The following BCAR3 variants were observed in gnomAD, a reference collection of about 807,000 sequenced individuals.
BCAR3 encodes breast cancer anti-estrogen resistance protein 3.
A neutral mutation model predicts 80.1 loss-of-function variants in BCAR3; 37 were observed. That is an observed-to-expected ratio of 0.46 (90% CI 0.36 to 0.61). BCAR3 has a LOEUF of 0.61. BCAR3 is among the 20% of genes least tolerant of loss of function. The pLI is 0.00. For synonymous variants in BCAR3, 389 were observed against 418.9 expected (o/e 0.93, Z 0.87); for missense variants, 978 against 1,068.2 (o/e 0.92, Z 1.18).
intron 2 of BCAR3, among the ~76,000 whole-genome samples, chr1:93,834,530 C>T (rs949678056): frequency 2.0e-5 from 3 of 152,152 alleles, no homozygotes; most frequent in Admixed American, 1.3e-4. Flanking sequence ...AGTGCAGGGC[C>T]GTGTGGTTAG....
chr1:93,748,153 T>A (rs1651421901), intron 2 of BCAR3, among the ~76,000 whole-genome samples: 1 of 152,178 alleles, frequency 6.6e-6, no homozygotes, highest in Admixed American at 6.5e-5. Flanking sequence ...CACTCAATAT[T>A]AGGTACTGAG....
chr1:93,697,781 C>T (rs1032966282), intron 3 of BCAR3, among the ~76,000 whole-genome samples: 1 of 152,042 alleles, frequency 6.6e-6, no homozygotes, highest in Non-Finnish European at 1.5e-5. Flanking sequence ...GAGTTCGACA[C>T]CAGCCTGACC....
rs573682878 is a variant in BCAR3, at chr1:93,830,164, T to A, written c.-63+15403A>T. Reference sequence around the variant, plus strand: ...ATGAGCCAATTAAACCTCTTTTTTTTATAAATTACCCAGTTTGGCCGGGTG... The same window carrying A: ...ATGAGCCAATTAAACCTCTTTTTTTAATAAATTACCCAGTTTGGCCGGGTG... On this transcript the variant is annotated intron_variant, in intron 2 of 13. Coordinates refer to the BCAR3 transcript ENST00000370244. Among the ~76,000 whole-genome samples the A allele has an allele frequency of 1.3e-4, 20 of 152,302 alleles. No individual in the cohort carries two copies. The East Asian group carries it at 2.3e-3, about 18-fold the overall frequency.
intron 11 of BCAR3, among the ~76,000 whole-genome samples, chr1:93,565,779 C>T (rs573702647): frequency 1.5e-3 from 221 of 152,284 alleles, no homozygotes; most frequent in African/African-American, 5.1e-3. Context: ...ATGGTGCAAA[C>T]GACTAAGTCC....
intron 2 of BCAR3, among the ~76,000 whole-genome samples, chr1:93,758,850 G>A (rs761533057): frequency 6.6e-6 from 1 of 152,180 alleles, no homozygotes. Context: ...CTGAGGAGAG[G>A]CTGTTAGAGA....
chr1:93,608,252 CTG>C (rs1323723344), intron 3 of BCAR3, among the ~76,000 whole-genome samples: 4 of 152,220 alleles, frequency 2.6e-5, no homozygotes, highest in African/African-American at 7.2e-5. Flanking sequence ...GCTCCTGGCA[CTG>C]TGGACACACA....
intron 2 of BCAR3, among the ~76,000 whole-genome samples, chr1:93,804,449 G>C (rs984255818): frequency 6.6e-6 from 1 of 152,138 alleles, no homozygotes; most frequent in African/African-American, 2.4e-5. Flanking sequence ...TTGCACTTTG[G>C]GGGCAGTATT....
intron 2 of BCAR3, among the ~76,000 whole-genome samples, chr1:93,769,422 G>A (rs1269136958): frequency 2.7e-5 from 4 of 147,630 alleles, no homozygotes; most frequent in South Asian, 2.1e-4. Context: ...GGAGCGGGGT[G>A]GAGAAGAACT....
chr1:93,629,787 G>C (rs1263247552), intron 3 of BCAR3, among the ~76,000 whole-genome samples: 2 of 152,182 alleles, frequency 1.3e-5, no homozygotes, highest in Non-Finnish European at 2.9e-5. Flanking sequence ...AGTCATAGAA[G>C]TTGCCAGAAC....
intron 8 of BCAR3, among the ~76,000 whole-genome samples, chr1:93,575,420 C>G (rs1051897643): frequency 3.9e-5 from 6 of 152,120 alleles, no homozygotes; most frequent in Admixed American, 3.9e-4. Context: ...TTTCTAATTC[C>G]TAAACATTCC....
In BCAR3 at chr1:93,584,110, TTTTC is replaced by T. The variant is rs769448180; in HGVS notation, c.937_940del (p.Glu313ArgfsTer61). On this transcript the variant is annotated frameshift_variant, in exon 6 of 12. Coordinates refer to ENST00000260502, the MANE Select transcript of BCAR3 (RefSeq NM_003567.4). LOFTEE classifies it high-confidence loss of function. The stretch of plus-strand genomic sequence containing the variant: ...CAGGCAGGCGGGCTGGCTACCACTC[TTTTC>T]TTTGTTTCTGAAGTAAAAGACACAT... 1.9e-6 allele frequency: 3 copies of T among 1,614,006 alleles called. No homozygotes were observed. The highest frequency in any genetic ancestry group is 1.1e-5 in the South Asian group (1 of 91,030).
At chr1:93,643,675 C>T (rs981687210) in intron 2 of BCAR3, among the ~76,000 whole-genome samples, 2 of 149,504 alleles carry the variant, frequency 1.3e-5, no homozygotes, top group African/African-American at 4.9e-5. Flanking sequence ...GGATAAAAAG[C>T]AGCAGATACG....
intron 2 of BCAR3, among the ~76,000 whole-genome samples, chr1:93,740,047 AAAG>A (rs1261422553): frequency 9.2e-5 from 14 of 151,826 alleles, no homozygotes; most frequent in African/African-American, 2.9e-4. Context: ...AAAAAAAAAA[AAAG>A]AAAGAAAGAA....
chr1:93,576,526 G>A (rs1673466837), intron 7 of BCAR3, among the ~76,000 whole-genome samples: 1 of 152,248 alleles, frequency 6.6e-6, no homozygotes, highest in Admixed American at 6.5e-5. Flanking sequence ...TGCAGTGGAA[G>A]AGCAGAATCT....
intron 3 of BCAR3, among the ~76,000 whole-genome samples, chr1:93,633,881 G>A (rs769601238): frequency 7.9e-5 from 12 of 152,146 alleles, no homozygotes; most frequent in African/African-American, 2.7e-4. Flanking sequence ...CTTGTGATCC[G>A]CCTGCCTCGG....
chr1:93,690,047 C>G (rs1301098006), intron 3 of BCAR3, among the ~76,000 whole-genome samples: 1 of 152,218 alleles, frequency 6.6e-6, no homozygotes, highest in African/African-American at 2.4e-5. Context: ...TATAGCACAT[C>G]TATACCTGGC....
chr1:93,718,727 C>T (rs148839384), intron 2 of BCAR3, among the ~76,000 whole-genome samples: 1,067 of 81,458 alleles, frequency 0.013, 16 homozygotes, highest in African/African-American at 0.049. Context: ...CGGGGTTTGG[C>T]TCTGTTACCC....
At chr1:93,819,730 T>A (rs61782405) in intron 2 of BCAR3, among the ~76,000 whole-genome samples, 11,193 of 152,214 alleles carry the variant, frequency 0.074, 464 homozygotes, top group South Asian at 0.093. Flanking sequence ...GCCAGATTTA[T>A]TTATATATTT....
chr1:93,595,865 C>T (rs1233270463), intron 3 of BCAR3, among the ~76,000 whole-genome samples: 2 of 152,214 alleles, frequency 1.3e-5, no homozygotes, highest in African/African-American at 2.4e-5. Flanking sequence ...CAACATTTGG[C>T]GGAATTCTGT....
Sources: gnomAD v4.1 joint callset for allele counts (sites outside exome capture counted in the v4.1 genomes callset) on GRCh38, gnomAD v4.1.1 for gene constraint, MANE v1.5 for transcripts, NCBI Gene and HGNC (gene_info 2026-07-23, HGNC 2026-07-21) for gene names.